Variants in ANKDD1A observed in about 807,000 individuals in gnomAD.
ANKDD1A encodes the protein ankyrin repeat and death domain-containing protein 1A.
A neutral mutation model predicts 63.5 loss-of-function variants in ANKDD1A; 59 were observed. That is an observed-to-expected ratio of 0.93 (90% confidence interval 0.75 to 1.15). The LOEUF is 1.15. Ranked by LOEUF, ANKDD1A falls within the 50% of genes most tolerant of loss-of-function variation. The pLI, the probability that ANKDD1A is intolerant of heterozygous loss-of-function variation, is 0.00. For missense variants in ANKDD1A, 632 were observed against 656.4 expected (o/e 0.96, Z 0.41); for synonymous variants, 266 against 263.9 (o/e 1.01, Z -0.08).
At chr15:64,931,432 G>A in intron 7 of ANKDD1A, 55 bp from the exon 8 acceptor site, 1 of 1,547,418 alleles carries the variant, frequency 6.5e-7, no homozygotes, top group Middle Eastern at 2.0e-4. Flanking sequence ...GGGATTGGGG[G>A]TCACTTGGGG....
At chr15:64,931,931 T>C in intron 8 of ANKDD1A, 1 of 396,140 alleles carries the variant, frequency 2.5e-6, no homozygotes. Flanking sequence ...TCTTACTCTG[T>C]CGCCCAGGCT....
At chr15:64,925,783 G>C (rs921390179) in intron 4 of ANKDD1A, among the ~76,000 whole-genome samples, 4 of 152,190 alleles carry the variant, frequency 2.6e-5, no homozygotes, top group African/African-American at 9.7e-5. Flanking sequence ...TGTCCTGTGT[G>C]AAAGTGGAGG....
intron 9 of ANKDD1A, among the ~76,000 whole-genome samples, chr15:64,936,601 G>A (rs1382839316): frequency 1.3e-5 from 2 of 152,160 alleles, no homozygotes; most frequent in Admixed American, 6.5e-5. Flanking sequence ...CACTTTGGAA[G>A]GCTGAGGTGG....
intron 14 of ANKDD1A, chr15:64,950,245 C>T: frequency 1.0e-6 from 1 of 985,444 alleles, no homozygotes. Flanking sequence ...ATAATCTCTT[C>T]CTTACCAGCC....
rs1320628261 is a variant in ANKDD1A, at chr15:64,922,900, A to T, written c.366+881A>T. The stretch of plus-strand genomic sequence containing the variant: ...TTTAGCTATTTTCATATCACATGAA[A>T]ATTTTTGCAGTTATCTTAAAATACT... On this transcript the variant is annotated intron_variant, in intron 4 of 14. Transcript: ENST00000319580. 4.5e-4 allele frequency among the ~76,000 whole-genome samples: 68 copies of T among 152,262 alleles called. 1 individual carries two copies. Among genetic ancestry groups the T allele is most frequent in the Non-Finnish European group, 1.6e-4 (11 of 68,018 alleles).
intron 14 of ANKDD1A, among the ~76,000 whole-genome samples, chr15:64,954,133 CCT>C (rs1187936281): frequency 5.7e-5 from 8 of 140,332 alleles, no homozygotes; most frequent in East Asian, 2.1e-4. Context: ...CTTTCTTCTT[CCT>C]CTTTCTTCTT....
intron 4 of ANKDD1A, among the ~76,000 whole-genome samples, chr15:64,925,521 T>C (rs1408534331): frequency 6.6e-6 from 1 of 152,190 alleles, no homozygotes; most frequent in Non-Finnish European, 1.5e-5. Flanking sequence ...ACATCTGCTC[T>C]TAATCTGCCC....
intron 14 of ANKDD1A, among the ~76,000 whole-genome samples, chr15:64,953,854 C>CTTTTTTT (rs1555397924): frequency 1.1e-5 from 1 of 89,494 alleles, no homozygotes; most frequent in Non-Finnish European, 2.3e-5. Context: ...TTCTTCTTTC[C>CTTTTTTT]TCTTCTTCCT....
At chr15:64,952,796 TTTCTTCTCCTTCTCCTC>T in intron 14 of ANKDD1A, among the ~76,000 whole-genome samples, 1 of 127,550 alleles carries the variant, frequency 7.8e-6, no homozygotes, top group South Asian at 2.8e-4. Flanking sequence ...TCCTTCTTCT[TTTCTTCTCCTTCTCCTC>T]CTTCTTCCTC....
intron 9 of ANKDD1A, among the ~76,000 whole-genome samples, chr15:64,936,111 G>A (rs912263314): frequency 6.6e-6 from 1 of 151,854 alleles, no homozygotes; most frequent in Non-Finnish European, 1.5e-5. Flanking sequence ...AATCAGAAAG[G>A]GGTCATTTCT....
chr15:64,954,903 C>G (rs1310717575), intron 14 of ANKDD1A, among the ~76,000 whole-genome samples: 7 of 128,974 alleles, frequency 5.4e-5, no homozygotes, highest in Non-Finnish European at 1.2e-4. Context: ...CTTCCTTCTT[C>G]TCTTGTCTCT....
intron 4 of ANKDD1A, among the ~76,000 whole-genome samples, chr15:64,925,513 A>G (rs549641158): frequency 6.6e-6 from 1 of 152,132 alleles, no homozygotes; most frequent in East Asian, 1.9e-4. Context: ...TGCAGACCAC[A>G]TCTGCTCTTA....
intron 9 of ANKDD1A, among the ~76,000 whole-genome samples, chr15:64,937,482 A>T (rs901264916): frequency 6.6e-6 from 1 of 152,170 alleles, no homozygotes; most frequent in Admixed American, 6.6e-5. Flanking sequence ...TAATCCCAGC[A>T]CTTTGGGAGG....
intron 10 of ANKDD1A, 79 bp downstream of exon 10, chr15:64,942,644 C>T: frequency 9.1e-7 from 1 of 1,092,966 alleles, no homozygotes; most frequent in Non-Finnish European, 1.3e-6. Context: ...GCTGTGGTCT[C>T]CTAGCATGGC....
At chr15:64,930,230 C>T (rs1253421600) in intron 6 of ANKDD1A, among the ~76,000 whole-genome samples, 1 of 150,324 alleles carries the variant, frequency 6.7e-6, no homozygotes, top group Non-Finnish European at 1.5e-5. Flanking sequence ...GCACATTCTG[C>T]ACACGTATCC....
rs769833487 is a variant in ANKDD1A at position 64,930,809 on chromosome 15, C to T, written c.571-13C>T. On this transcript the variant is annotated splice_polypyrimidine_tract_variant and intron_variant, in intron 6 of 14. Coordinates refer to ENST00000319580, the MANE Select transcript of ANKDD1A (RefSeq NM_182703.6). ...CTGGTCTGCTGGCCTCTCAGGAGCC[C>T]TTTTTCCTGCAGGAGGGGAACACTG... 6.2e-7 allele frequency: 1 copy of T among 1,609,982 alleles called. No individual in the cohort carries two copies. Among genetic ancestry groups the T allele is most frequent in the Non-Finnish European group, 8.5e-7 (1 of 1,179,088 alleles).
At chr15:64,923,823 G>A (rs1321521453) in intron 4 of ANKDD1A, among the ~76,000 whole-genome samples, 2 of 152,180 alleles carry the variant, frequency 1.3e-5, no homozygotes, top group Non-Finnish European at 2.9e-5. Context: ...GGAATCCAGT[G>A]CTGTCTTGAT....
chr15:64,925,753 C>T (rs781544551), intron 4 of ANKDD1A, among the ~76,000 whole-genome samples: 2 of 152,162 alleles, frequency 1.3e-5, no homozygotes, highest in African/African-American at 2.4e-5. Context: ...CTGAAGTGGT[C>T]GGGGATTATG....
chr15:64,950,003 A>C (rs2085257375), intron 14 of ANKDD1A, 31 bp downstream of exon 14: 1 of 1,601,048 alleles, frequency 6.2e-7, no homozygotes, highest in Non-Finnish European at 8.5e-7. Flanking sequence ...GCTGCTTCTC[A>C]GGAGCTGGGT....
Sources: allele counts gnomAD v4.1 joint callset (sites outside exome capture counted in the v4.1 genomes callset), GRCh38; gene constraint gnomAD v4.1.1; transcripts MANE v1.5; gene names NCBI Gene and HGNC (gene_info 2026-07-23, HGNC 2026-07-21).